PRDM1: variants seen among roughly 807,000 people sequenced by gnomAD.
PRDM1 encodes PR/SET domain 1.
In PRDM1, 13 loss-of-function variants were observed where a neutral mutation model predicts 62.8. That is an observed-to-expected ratio of 0.21 (90% CI 0.13 to 0.33). PRDM1 has a LOEUF of 0.33. Ranked by LOEUF, PRDM1 falls within the 10% of genes least tolerant of loss-of-function variation. PRDM1 has a pLI of 1.00. For missense variants in PRDM1, 895 were observed against 1,058.8 expected (o/e 0.85, Z 2.15); for synonymous variants, 396 against 417.6 (o/e 0.95, Z 0.63).
chr6:106,081,751 T>G (rs1773697975), upstream of PRDM1, among the ~76,000 whole-genome samples: 1 of 152,222 alleles, frequency 6.6e-6, no homozygotes, highest in Non-Finnish European at 1.5e-5. Context: ...AGTCCCATTT[T>G]AAATAAAATC....
chr6:106,046,432 T>C (rs1397508619), upstream of PRDM1: 1 of 152,218 alleles, frequency 6.6e-6, no homozygotes, highest in African/African-American at 2.4e-5. Flanking sequence ...CACCGAACCA[T>C]TCAGGTAGGA....
chr6:106,077,959 T>A (rs567259954), intron 1 of PRDM1, among the ~76,000 whole-genome samples: 8 of 152,300 alleles, frequency 5.3e-5, no homozygotes, highest in African/African-American at 1.9e-4. Flanking sequence ...TGTGATGAGA[T>A]CTTTCTTGCT....
upstream of PRDM1, among the ~76,000 whole-genome samples, chr6:106,084,076 T>C (rs1773745521): frequency 6.6e-6 from 1 of 152,214 alleles, no homozygotes; most frequent in Non-Finnish European, 1.5e-5. Context: ...TTCTTCTTCC[T>C]TTTTGGTAGC....
At chr6:106,073,453 A>G (rs1040975889) in intron 1 of PRDM1, among the ~76,000 whole-genome samples, 3 of 152,192 alleles carry the variant, frequency 2.0e-5, no homozygotes, top group Admixed American at 6.5e-5. Context: ...GCAATACTGT[A>G]TCATCATATA....
intron 1 of PRDM1, among the ~76,000 whole-genome samples, chr6:106,059,740 A>G (rs1332350650): frequency 6.6e-6 from 1 of 152,224 alleles, no homozygotes; most frequent in African/African-American, 2.4e-5. Context: ...GCCTTGGCTA[A>G]GATAGGAGTG....
At chr6:106,087,244 C>T (rs1773833665) in intron 1 of PRDM1, among the ~76,000 whole-genome samples, 1 of 152,080 alleles carries the variant, frequency 6.6e-6, no homozygotes, top group South Asian at 2.1e-4. Context: ...CATCAATGTA[C>T]AAGTGGAAGC....
intron 1 of PRDM1, among the ~76,000 whole-genome samples, chr6:106,006,774 T>C (rs965441153): frequency 6.6e-6 from 1 of 151,862 alleles, no homozygotes; most frequent in African/African-American, 2.4e-5. Context: ...GAAAAGAATA[T>C]TGAACTGGAA....
At chr6:106,084,963 AT>A (rs1773764106), upstream of PRDM1, among the ~76,000 whole-genome samples, 1 of 152,072 alleles carries the variant, frequency 6.6e-6, no homozygotes, top group Non-Finnish European at 1.5e-5. Flanking sequence ...TTTAGACACC[AT>A]TTCCTGGCAA....
intron 2 of PRDM1, among the ~76,000 whole-genome samples, chr6:106,090,008 G>A (rs1016578991): frequency 1.4e-4 from 22 of 152,074 alleles, no homozygotes; most frequent in Non-Finnish European, 2.8e-4. Flanking sequence ...TTCAATTTCC[G>A]TCATTCTCCT....
intron 1 of PRDM1, among the ~76,000 whole-genome samples, chr6:106,075,881 A>G (rs1381442700): frequency 6.6e-6 from 1 of 151,722 alleles, no homozygotes; most frequent in East Asian, 1.9e-4. Flanking sequence ...TCATCACCAT[A>G]CTCTTATTCC....
chr6:106,018,860 T>C (rs1227927827), intron 1 of PRDM1, among the ~76,000 whole-genome samples: 4 of 151,268 alleles, frequency 2.6e-5, no homozygotes, highest in Non-Finnish European at 5.9e-5. Context: ...TTTCATATGG[T>C]ATTCTTTGGA....
chr6:105,998,421 C>G (rs897356352), intron 1 of PRDM1, among the ~76,000 whole-genome samples: 1 of 152,100 alleles, frequency 6.6e-6, no homozygotes, highest in African/African-American at 2.4e-5. Flanking sequence ...ATAAGACATA[C>G]TTGAAAAAAC....
At chr6:106,073,652 G>A (rs1773556087) in intron 1 of PRDM1, among the ~76,000 whole-genome samples, 1 of 152,140 alleles carries the variant, frequency 6.6e-6, no homozygotes. Context: ...TGTGAAAAGA[G>A]AAAAGATCAC....
At chr6:106,088,094 C>A in intron 1 of PRDM1, 107 bp from the exon 2 acceptor site, 1 of 1,366,410 alleles carries the variant, frequency 7.3e-7, no homozygotes, top group Non-Finnish European at 9.8e-7. Context: ...AAGCACTCTG[C>A]ATCTGCTTTT....
chr6:106,099,892 T>C (rs1774219390), intron 4 of PRDM1, among the ~76,000 whole-genome samples: 1 of 152,266 alleles, frequency 6.6e-6, no homozygotes, highest in South Asian at 2.1e-4. Flanking sequence ...GGTATAGCCC[T>C]CATCTGTGGT....
intron 1 of PRDM1, among the ~76,000 whole-genome samples, chr6:106,074,839 T>G (rs1369332616): frequency 2.0e-5 from 3 of 152,162 alleles, no homozygotes; most frequent in Non-Finnish European, 4.4e-5. Flanking sequence ...CCAGGCATAG[T>G]GGCACGCGCC....
chr6:106,094,706 A>G (rs796514174), intron 2 of PRDM1, among the ~76,000 whole-genome samples: 53 of 151,972 alleles, frequency 3.5e-4, no homozygotes, highest in African/African-American at 1.3e-3. Flanking sequence ...AGTTTGAGAC[A>G]AGGCTGGGCA....
At chr6:106,089,505 T>C (rs185115504) in intron 2 of PRDM1, among the ~76,000 whole-genome samples, 1 of 152,330 alleles carries the variant, frequency 6.6e-6, no homozygotes, top group East Asian at 1.9e-4. Flanking sequence ...GTCTCTTTCC[T>C]GTTTGTGTGT....
At chr6:106,100,641 T>TA (rs1166905118) in intron 4 of PRDM1, 1 of 152,228 alleles carries the variant, frequency 6.6e-6, no homozygotes, top group African/African-American at 2.4e-5. Context: ...GCCAAGTACT[T>TA]ACCCTAGTCA....
Sources: gnomAD v4.1 joint callset for allele counts (sites outside exome capture counted in the v4.1 genomes callset) on GRCh38, gnomAD v4.1.1 for gene constraint, MANE v1.5 for transcripts, NCBI Gene and HGNC (gene_info 2026-07-23, HGNC 2026-07-21) for gene names.